The following PLCL2 variants were observed in gnomAD, a reference collection of about 807,000 sequenced individuals.
The protein encoded by PLCL2 is inactive phospholipase C-like protein 2.
PLCL2 carries 4 observed loss-of-function variants against 79.6 expected under a neutral mutation model. The observed-to-expected ratio is 0.05, with a 90% CI of 0.02 to 0.11. The LOEUF (loss-of-function observed/expected upper bound fraction) is 0.11. Among genes scored for constraint, PLCL2 ranks in the 10% least tolerant of loss-of-function variants. The pLI, the probability that PLCL2 is intolerant of heterozygous loss-of-function variation, is 1.00. For missense variants in PLCL2, 895 were observed against 1,291.0 expected, an observed-to-expected ratio of 0.69 and a Z score of 4.70; for synonymous variants, 484 against 457.7, an observed-to-expected ratio of 1.06 and a Z score of -0.73.
At chr3:17,080,595 C>T (rs577191391) in intron 5 of PLCL2, among the ~76,000 whole-genome samples, 76 of 152,170 alleles carry the variant, frequency 5.0e-4, no homozygotes, top group African/African-American at 1.7e-3. Flanking sequence ...GGATTACAGT[C>T]GCCCGCCACC....
chr3:16,952,076 A>G (rs1357178543), intron 1 of PLCL2, among the ~76,000 whole-genome samples: 1 of 151,976 alleles, frequency 6.6e-6, no homozygotes, highest in African/African-American at 2.4e-5. Flanking sequence ...TCATCCATTC[A>G]TTTAAAGTAA....
rs534145070 is a variant in PLCL2 at position 17,077,957 on chromosome 3, G to A, written c.3204+9892G>A. Among the ~76,000 whole-genome samples the A allele has an allele frequency of 1.2e-4, 19 of 152,276 alleles. No individual in the cohort carries two copies. In the South Asian group the frequency reaches 3.7e-3, roughly 30 times the overall value. On this transcript the variant is annotated intron_variant, in intron 5 of 5. Transcript: ENST00000615277. ...TTCTGCTTCCTCTGCTGGCTGGCTC[G>A]TTCTGTTCACTCAGAGTTTCTACTG...
At chr3:17,066,207 T>C (rs531574910) in intron 4 of PLCL2, among the ~76,000 whole-genome samples, 1 of 152,058 alleles carries the variant, frequency 6.6e-6, no homozygotes, top group Non-Finnish European at 1.5e-5. Flanking sequence ...AAAGAAAAGT[T>C]GGAGAAAAGG....
chr3:16,948,995 G>A lies in PLCL2; in HGVS notation c.328-60679G>A, dbSNP rs145927583. On this transcript the variant is annotated intron_variant, in intron 1 of 5. Coordinates refer to ENST00000615277, the MANE Select transcript of PLCL2 (RefSeq NM_001144382.2). ...GGCAGTTCAGACAACGCAACTGTTG[G>A]GTGCATTTTGGACTGCTACATAGCA... is the stretch of plus-strand genomic sequence containing the variant. Among the ~76,000 whole-genome samples, 342 of 152,176 alleles carry A rather than the reference G, an allele frequency of 2.2e-3. 2 individuals are homozygous for A. The highest frequency in any genetic ancestry group is 7.7e-3 in the African/African-American group (320 of 41,506).
chr3:16,982,635 C>T (rs946218207), intron 1 of PLCL2, among the ~76,000 whole-genome samples: 3 of 152,144 alleles, frequency 2.0e-5, no homozygotes, highest in Admixed American at 6.5e-5. Context: ...GATTATGTCT[C>T]CTCTTTTTCC....
intron 1 of PLCL2, among the ~76,000 whole-genome samples, chr3:16,997,873 G>C (rs1010568833): frequency 1.3e-5 from 2 of 152,002 alleles, no homozygotes; most frequent in African/African-American, 4.8e-5. Context: ...AAACCATTTG[G>C]TTAAAAAAGG....
chr3:16,934,760 A>G (rs1248883931), intron 1 of PLCL2, among the ~76,000 whole-genome samples: 1 of 152,206 alleles, frequency 6.6e-6, no homozygotes, highest in Non-Finnish European at 1.5e-5. Flanking sequence ...GAAGAAGTAG[A>G]CACAGAAGAG....
At position 17,068,018 on chromosome 3, in the gene PLCL2, C is replaced by G. The variant is rs2065026867; in HGVS notation, c.3157C>G (p.Leu1053Val). 2 of 1,611,832 alleles carry G rather than the reference C, an allele frequency of 1.2e-6. No individual in the cohort carries two copies. Among genetic ancestry groups the G allele is most frequent in the Non-Finnish European group, 1.7e-6 (2 of 1,178,266 alleles). Residue 1053 changes from leucine to valine, a missense_variant, in exon 5 of 6, where the codon CTA becomes GTA. By Grantham distance (32) the Leu-to-Val change is conservative. Around this residue, in one of 6 missense-constraint regions of PLCL2, gnomAD observed 298 missense variants for 459.6 expected, o/e 0.65. Coordinates refer to ENST00000615277, the MANE Select transcript of PLCL2 (RefSeq NM_001144382.2). The part of the protein sequence containing the change: ...GTKEGLKERK[L>V]QKAVESFTWN... ...CAAGGAAGGTTTGAAGGAAAGAAAA[C>G]TACAAAAAGCAGTGGAGAGCTTTAC...
intron 3 of PLCL2, among the ~76,000 whole-genome samples, chr3:17,039,329 C>T (rs1455212746): frequency 2.0e-5 from 3 of 152,172 alleles, no homozygotes; most frequent in African/African-American, 4.8e-5. Context: ...GGCCTGAAGG[C>T]CCATCGCCTA....
intron 1 of PLCL2, among the ~76,000 whole-genome samples, chr3:16,956,207 A>G (rs1272138946): frequency 2.0e-5 from 3 of 151,782 alleles, no homozygotes; most frequent in South Asian, 2.1e-4. Flanking sequence ...CGTCCCATCA[A>G]TACCTAATTT....
intron 1 of PLCL2, among the ~76,000 whole-genome samples, chr3:16,897,337 C>G (rs112511374): frequency 6.6e-6 from 1 of 151,156 alleles, no homozygotes; most frequent in Non-Finnish European, 1.5e-5. Flanking sequence ...TTATTTGGAG[C>G]CTTAATCCCC....
At chr3:17,026,906 G>GAA (rs528990479) in intron 3 of PLCL2, among the ~76,000 whole-genome samples, 1 of 149,222 alleles carries the variant, frequency 6.7e-6, no homozygotes, top group Non-Finnish European at 1.5e-5. Context: ...TCTTGTATTA[G>GAA]AAAAAAAAAC....
chr3:16,903,440 G>T lies in PLCL2; in HGVS notation c.327+18074G>T, dbSNP rs116551234. Reference sequence around the variant, plus strand: ...GTTCGACAGGCACTGAAACAGGCCTGTCCTGCCATGTGGTCACAGATATCT... The same window carrying T: ...GTTCGACAGGCACTGAAACAGGCCTTTCCTGCCATGTGGTCACAGATATCT... On this transcript the variant is annotated intron_variant, in intron 1 of 5. Transcript: ENST00000615277. Among the ~76,000 whole-genome samples, 533 of 152,300 alleles carry T rather than the reference G, an allele frequency of 3.5e-3. 3 individuals carry two copies. The highest frequency in any genetic ancestry group is 0.011 in the African/African-American group (464 of 41,552).
intron 3 of PLCL2, among the ~76,000 whole-genome samples, chr3:17,030,485 A>G (rs11128813): frequency 0.21 from 32,095 of 152,144 alleles, 3,797 homozygotes; most frequent in East Asian, 0.54. Context: ...ACAGAGCATG[A>G]TTACTCCATT....
chr3:17,052,979 A>C (rs1367299925), intron 4 of PLCL2, among the ~76,000 whole-genome samples: 2 of 152,302 alleles, frequency 1.3e-5, no homozygotes, highest in Non-Finnish European at 2.9e-5. Context: ...GGGGAGTCAA[A>C]AGTTACATGC....
chr3:16,980,452 T>TGC (rs1366451811), intron 1 of PLCL2, among the ~76,000 whole-genome samples: 1 of 145,160 alleles, frequency 6.9e-6, no homozygotes, highest in African/African-American at 2.6e-5. Context: ...TCTCCTCACT[T>TGC]CTCAGACGGG....
chr3:16,926,846 G>A (rs1697266247), intron 1 of PLCL2, among the ~76,000 whole-genome samples: 1 of 151,924 alleles, frequency 6.6e-6, no homozygotes, highest in African/African-American at 2.4e-5. Context: ...AGCCAGGATG[G>A]TCTCGGTCTC....
chr3:16,964,909 G>A (rs78836430), intron 1 of PLCL2, among the ~76,000 whole-genome samples: 1 of 151,314 alleles, frequency 6.6e-6, no homozygotes, highest in Non-Finnish European at 1.5e-5. Context: ...CATTGTAGAT[G>A]CTGGATATTA....
intron 1 of PLCL2, among the ~76,000 whole-genome samples, chr3:16,897,379 C>T (rs1363146351): frequency 6.6e-6 from 1 of 151,882 alleles, no homozygotes; most frequent in Non-Finnish European, 1.5e-5. Flanking sequence ...AGCTCCTAGT[C>T]CCTGTAGTTC....
Sources: gnomAD v4.1 joint callset for allele counts (sites outside exome capture counted in the v4.1 genomes callset) on GRCh38, gnomAD v4.1.1 for gene constraint, gnomAD v4.1.1 regional missense constraint, MANE v1.5 for transcripts, NCBI Gene and HGNC (gene_info 2026-07-23, HGNC 2026-07-21) for gene names.